Variants in MYO3B observed in about 807,000 individuals in gnomAD.
MYO3B encodes the protein myosin-IIIb.
In MYO3B, 156 loss-of-function variants were observed where a neutral mutation model predicts 174.6. The observed-to-expected ratio is 0.89, with a 90% CI of 0.78 to 1.02. The LOEUF is 1.02. MYO3B is among the 50% of genes least tolerant of loss of function. The pLI, the probability that MYO3B is intolerant of heterozygous loss-of-function variation, is 0.00. For missense variants in MYO3B, 1,632 were observed against 1,639.4 expected, an observed-to-expected ratio of 1.00 and a Z score of 0.08; for synonymous variants, 563 against 569.1, an observed-to-expected ratio of 0.99 and a Z score of 0.15.
intron 8 of MYO3B, among the ~76,000 whole-genome samples, chr2:170,339,279 A>G (rs1156475904): frequency 6.6e-6 from 1 of 152,236 alleles, no homozygotes; most frequent in Admixed American, 6.5e-5. Context: ...AAGACATAGT[A>G]AATCTAACTG....
At position 170,401,491 on chromosome 2, in the gene MYO3B, T is replaced by G; in HGVS notation, c.1929T>G (p.Val643=). 6.2e-7 allele frequency: 1 copy of G among 1,614,166 alleles called. No individual in the cohort carries two copies. The highest frequency in any genetic ancestry group is 8.5e-7 in the Non-Finnish European group (1 of 1,180,004). The change falls in exon 18 of 35, where the codon GTT becomes GTG. Residue 643 remains valine, a synonymous_variant. Coordinates refer to ENST00000408978, the MANE Select transcript of MYO3B (RefSeq NM_138995.5). ...NAEALQNAAS[V]LCISPEELQE... ...TACTCTTTGTTTCAGCTGCCTCTGTTCTGTGCATTAGCCCTGAAGAGCTCC... is the reference window on the plus strand; with the variant it reads ...TACTCTTTGTTTCAGCTGCCTCTGTGCTGTGCATTAGCCCTGAAGAGCTCC...
intron 3 of MYO3B, among the ~76,000 whole-genome samples, chr2:170,200,872 G>A (rs970265482): frequency 2.0e-5 from 3 of 152,174 alleles, no homozygotes; most frequent in Admixed American, 6.5e-5. Context: ...GCAGTTTTTG[G>A]AATGTTGTCC....
chr2:170,543,287 G>A (rs957486160), intron 31 of MYO3B, among the ~76,000 whole-genome samples: 5 of 152,152 alleles, frequency 3.3e-5, no homozygotes, highest in South Asian at 2.1e-4. Flanking sequence ...GTAAGGACCC[G>A]AGGTTCTTTG....
chr2:170,487,895 TG>T (rs1237081127), intron 25 of MYO3B, among the ~76,000 whole-genome samples: 1 of 152,210 alleles, frequency 6.6e-6, no homozygotes, highest in East Asian at 1.9e-4. Flanking sequence ...TTATCTAAAA[TG>T]GTGATTCTTC....
intron 7 of MYO3B, among the ~76,000 whole-genome samples, chr2:170,246,529 GACACACACACACACACACAC>G (rs58936698): frequency 7.1e-6 from 1 of 140,182 alleles, no homozygotes; most frequent in East Asian, 2.1e-4. Context: ...TTTGGACATG[GACACACACACACACACACAC>G]ACACACACAC....
chr2:170,472,382 C>T lies in MYO3B; in HGVS notation c.3014+5671C>T, dbSNP rs114069187. ...ATTGAATTACTTGGTGTTCCCTAACCATCCCAGGCTGTTCTAGTCTTTTGT... is the reference window on the plus strand; with the variant it reads ...ATTGAATTACTTGGTGTTCCCTAACTATCCCAGGCTGTTCTAGTCTTTTGT... On this transcript the variant is annotated intron_variant, in intron 25 of 34. Coordinates refer to ENST00000408978, the MANE Select transcript of MYO3B (RefSeq NM_138995.5). 7.9e-3 allele frequency among the ~76,000 whole-genome samples: 1,200 copies of T among 152,254 alleles called. 19 individuals are homozygous for T. Among genetic ancestry groups the T allele is most frequent in the African/African-American group, 0.027 (1,140 of 41,548 alleles).
chr2:170,630,863 T>A (rs1419140631), intron 32 of MYO3B, among the ~76,000 whole-genome samples: 1 of 151,956 alleles, frequency 6.6e-6, no homozygotes, highest in East Asian at 1.9e-4. Context: ...AGCATCAATA[T>A]CAACAAAAAG....
intron 32 of MYO3B, among the ~76,000 whole-genome samples, chr2:170,634,366 G>A (rs1423921661): frequency 6.6e-6 from 1 of 152,140 alleles, no homozygotes; most frequent in East Asian, 1.9e-4. Flanking sequence ...CAAGCAATGG[G>A]GAAAGGATTC....
At chr2:170,188,750 T>C (rs1226646815) in intron 1 of MYO3B, among the ~76,000 whole-genome samples, 2 of 152,138 alleles carry the variant, frequency 1.3e-5, no homozygotes, top group Non-Finnish European at 2.9e-5. Context: ...TAATGAGAAC[T>C]CTACACTTTA....
In MYO3B at chr2:170,223,605, G is replaced by C. The variant is rs116691360; in HGVS notation, c.603+6210G>C. ...GTAACCCGTGTCCGCTGTTAATATT[G>C]CTCAACCAATTTTTATATCAAACAC... On this transcript the variant is annotated intron_variant, in intron 6 of 34. Coordinates refer to ENST00000408978, the MANE Select transcript of MYO3B (RefSeq NM_138995.5). 8.4e-3 allele frequency among the ~76,000 whole-genome samples: 1,274 copies of C among 152,248 alleles called. 20 individuals are homozygous for C. Among genetic ancestry groups the C allele is most frequent in the African/African-American group, 0.029 (1,214 of 41,528 alleles).
chr2:170,525,739 A>G (rs545591581), intron 30 of MYO3B, among the ~76,000 whole-genome samples: 5 of 152,286 alleles, frequency 3.3e-5, no homozygotes, highest in African/African-American at 2.4e-5. Flanking sequence ...CTTGGAGCCA[A>G]TTGGGCTGAC....
intron 7 of MYO3B, among the ~76,000 whole-genome samples, chr2:170,294,816 A>G (rs2093618700): frequency 6.6e-6 from 1 of 152,148 alleles, no homozygotes; most frequent in African/African-American, 2.4e-5. Flanking sequence ...GTGTCAATGT[A>G]GGTTCAGTTG....
intron 28 of MYO3B, among the ~76,000 whole-genome samples, chr2:170,503,652 CT>C (rs34293935): frequency 0.95 from 140,577 of 147,220 alleles, 67,391 homozygotes; most frequent in Non-Finnish European, 0.99. Flanking sequence ...GGGTGCCGTC[CT>C]TTTTTTTTTT....
At chr2:170,276,131 A>G (rs1175072906) in intron 7 of MYO3B, among the ~76,000 whole-genome samples, 1 of 152,206 alleles carries the variant, frequency 6.6e-6, no homozygotes, top group East Asian at 1.9e-4. Context: ...AAATGAAATC[A>G]TGCAAAGAGC....
rs149738668 is a variant in MYO3B, at chr2:170,302,034, G to A, written c.750-33351G>A. ...TTGGATATTTCTCCAAAGCCCTGAA[G>A]CAAGACTGAAATGTGGGAGCAGGCA... On this transcript the variant is annotated intron_variant, in intron 7 of 34. Transcript: ENST00000408978. 4.5e-3 allele frequency among the ~76,000 whole-genome samples: 680 copies of A among 152,084 alleles called. 8 individuals carry two copies. Among genetic ancestry groups the A allele is most frequent in the Admixed American group, 0.011 (167 of 15,258 alleles).
At chr2:170,461,345 G>T (rs558104863) in intron 23 of MYO3B, among the ~76,000 whole-genome samples, 265 of 151,336 alleles carry the variant, frequency 1.8e-3, no homozygotes, top group Non-Finnish European at 2.3e-3. Flanking sequence ...GTGGTGGCGG[G>T]CACCTGTAAT....
rs200634094 is a variant in MYO3B, at chr2:170,614,217, AT to A, written c.3734-37404del. Among the ~76,000 whole-genome samples, 1,512 of 152,168 alleles carry A rather than the reference AT, an allele frequency of 9.9e-3. 9 individuals carry two copies. The highest frequency in any genetic ancestry group is 0.015 in the Non-Finnish European group (1,022 of 67,986). On this transcript the variant is annotated intron_variant, in intron 32 of 34. Coordinates refer to ENST00000408978, the MANE Select transcript of MYO3B (RefSeq NM_138995.5). ...TTAGTTGGATAAACCTAAGTGATTT[AT>A]TTTTTTCTGCAAAATGAGGATAATA...
chr2:170,225,431 A>G lies in MYO3B; in HGVS notation c.603+8036A>G, dbSNP rs79349102. 3.2e-3 allele frequency among the ~76,000 whole-genome samples: 487 copies of G among 152,318 alleles called. 1 individual carries two copies. Among genetic ancestry groups the G allele is most frequent in the African/African-American group, 0.011 (462 of 41,572 alleles). On this transcript the variant is annotated intron_variant, in intron 6 of 34. Coordinates refer to ENST00000408978, the MANE Select transcript of MYO3B (RefSeq NM_138995.5). ...AAGTCATGAATTGTTTTTTCCCCCAATTCTTAACATAGATGAGAATTATCC... is the reference window on the plus strand; with the variant it reads ...AAGTCATGAATTGTTTTTTCCCCCAGTTCTTAACATAGATGAGAATTATCC...
At chr2:170,606,131 A>G (rs1694790906) in intron 32 of MYO3B, among the ~76,000 whole-genome samples, 1 of 152,116 alleles carries the variant, frequency 6.6e-6, no homozygotes, top group Admixed American at 6.5e-5. Context: ...CTCCCAGCAG[A>G]GACAGTGATC....
Sources: allele counts gnomAD v4.1 joint callset (sites outside exome capture counted in the v4.1 genomes callset), GRCh38; gene constraint gnomAD v4.1.1; transcripts MANE v1.5; gene names NCBI Gene and HGNC (gene_info 2026-07-23, HGNC 2026-07-21).